Variants in RNF168 observed in about 807,000 individuals in gnomAD.
RNF168 encodes the protein ring finger protein 168.
A neutral mutation model predicts 34.9 loss-of-function variants in RNF168; 34 were observed. The ratio of observed to expected loss-of-function variants is 0.97; its 90% confidence interval spans 0.74 to 1.30. The LOEUF (loss-of-function observed/expected upper bound fraction) is 1.30. RNF168 is among the 50% of genes most tolerant of loss of function. The pLI, the probability that RNF168 is intolerant of heterozygous loss-of-function variation, is 0.00. For synonymous variants in RNF168, 264 were observed against 254.7 expected (o/e 1.04, Z -0.35); for missense variants, 725 against 682.5 (o/e 1.06, Z -0.69).
chr3:196,473,779 T>C (rs999964420), intron 5 of RNF168, among the ~76,000 whole-genome samples: 4 of 152,020 alleles, frequency 2.6e-5, no homozygotes, highest in Non-Finnish European at 5.9e-5. Flanking sequence ...GCATCCACTG[T>C]ACTCCAGCCT....
chr3:196,479,988 A>G (rs958620755), intron 4 of RNF168, among the ~76,000 whole-genome samples: 1 of 152,206 alleles, frequency 6.6e-6, no homozygotes, highest in Admixed American at 6.6e-5. Flanking sequence ...ACATGTAAGA[A>G]TCACAGTACA....
intron 1 of RNF168, among the ~76,000 whole-genome samples, chr3:196,499,878 A>T (rs1312541811): frequency 6.6e-6 from 1 of 152,234 alleles, no homozygotes; most frequent in Non-Finnish European, 1.5e-5. Flanking sequence ...GATGATATAC[A>T]AATGGCCAAT....
intron 5 of RNF168, chr3:196,474,822 T>C (rs1361747313): frequency 4.3e-6 from 1 of 233,196 alleles, no homozygotes; most frequent in Non-Finnish European, 8.6e-6. Flanking sequence ...ATTACATAGG[T>C]CAAGGATCAG....
rs1560279794 is a variant in RNF168, at chr3:196,503,619, T to G, written c.-446A>C. 8.7e-6 allele frequency: 2 copies of G among 229,320 alleles called. No individual in the cohort carries two copies. Among genetic ancestry groups the G allele is most frequent in the Admixed American group, 5.3e-5 (1 of 18,998 alleles). 14.2% of individuals were successfully genotyped at this position (229,320 alleles called of 1,614,324 possible). On this transcript the variant is annotated 5_prime_UTR_variant, in exon 1 of 6. Coordinates refer to ENST00000318037, the MANE Select transcript of RNF168 (RefSeq NM_152617.4). ...CCCGGGCTCCGGCTGCAGCATAACT[T>G]CCGCTTTACCGCTGCTGCGGGGGAG... is the stretch of plus-strand genomic sequence containing the variant.
intron 4 of RNF168, among the ~76,000 whole-genome samples, chr3:196,477,864 GTT>G (rs1174629430): frequency 6.6e-6 from 1 of 152,132 alleles, no homozygotes; most frequent in African/African-American, 2.4e-5. Flanking sequence ...TGGGAGGATC[GTT>G]TGAGGCCAGG....
intron 1 of RNF168, among the ~76,000 whole-genome samples, chr3:196,495,113 T>C (rs1732706490): frequency 6.6e-6 from 1 of 152,232 alleles, no homozygotes; most frequent in South Asian, 2.1e-4. Context: ...AAAAATAGTA[T>C]GATAAACCCC....
In RNF168 at chr3:196,472,156, T is replaced by C; in HGVS notation, c.1379A>G (p.Glu460Gly). 5.6e-6 allele frequency: 9 copies of C among 1,614,160 alleles called. No homozygotes were observed. Among genetic ancestry groups the C allele is most frequent in the Non-Finnish European group, 7.6e-6 (9 of 1,180,022 alleles). Residue 460 changes from glutamate to glycine, a missense_variant, in exon 6 of 6, where the codon GAG (glutamate) becomes GGG (glycine). By Grantham distance (98) the Glu-to-Gly change is moderately conservative (BLOSUM62 -2). Transcript: ENST00000318037. ...TTTTTGCCGGTTTGGCACCATTTGCTCTTTATCCACCTCCTTCTGAAGTTG... is the reference window on the plus strand; with the variant it reads ...TTTTTGCCGGTTTGGCACCATTTGCCCTTTATCCACCTCCTTCTGAAGTTG... Reference protein sequence around the residue: ...ALQLQKEVDKEQMVPNRQKGS... With the variant: ...ALQLQKEVDKGQMVPNRQKGS...
intron 3 of RNF168, among the ~76,000 whole-genome samples, chr3:196,486,938 G>A (rs941141150): frequency 6.6e-6 from 1 of 152,200 alleles, no homozygotes. Context: ...GTGCCAGCCT[G>A]TAGTCCCAGC....
Position 196,487,458 on chromosome 3 carries a change from C to CTCT in RNF168, c.496_498dup (p.Arg166dup), listed in dbSNP as rs1732483891. 1 of 1,614,186 alleles carries CTCT rather than the reference C, an allele frequency of 6.2e-7. No individual in the cohort carries two copies. The highest frequency in any genetic ancestry group is 1.3e-5 in the African/African-American group (1 of 75,062). ...TCACTTTTCAGTTGTTCTTCCATCG[C>CTCT]TCTTCGCCTTTTTTCTGCCTGTCTT... On this transcript the variant is annotated inframe_insertion, in exon 3 of 6. Transcript: ENST00000318037.
chr3:196,472,071 A>G lies in RNF168; in HGVS notation c.1464T>C (p.Asn488=). 4 of 1,613,584 alleles carry G rather than the reference A, an allele frequency of 2.5e-6. No individual in the cohort carries two copies. The highest frequency in any genetic ancestry group is 3.4e-6 in the Non-Finnish European group (4 of 1,179,692). The change falls in exon 6 of 6, where the codon AAT becomes AAC. Residue 488 remains asparagine, a synonymous_variant. Coordinates refer to ENST00000318037, the MANE Select transcript of RNF168 (RefSeq NM_152617.4). The part of the protein sequence containing the change: ...ATSSPPDKVL[N]GQRKNPKDGN... ...CATCTTTGGGATTCTTCCTCTGTCC[A>G]TTTAGCACTTTGTCTGGAGGGGAGG...
At chr3:196,476,665 T>C (rs1732156396) in intron 4 of RNF168, among the ~76,000 whole-genome samples, 2 of 150,376 alleles carry the variant, frequency 1.3e-5, no homozygotes, top group East Asian at 2.0e-4. Flanking sequence ...ATCCGCCTGC[T>C]TCGGCCTCCC....
At chr3:196,496,642 T>C (rs1732749623) in intron 1 of RNF168, among the ~76,000 whole-genome samples, 1 of 152,266 alleles carries the variant, frequency 6.6e-6, no homozygotes, top group South Asian at 2.1e-4. Flanking sequence ...CAAATTGTTC[T>C]ATTAAGTTCA....
At chr3:196,484,585 G>A (rs2108649091) in intron 3 of RNF168, among the ~76,000 whole-genome samples, 1 of 148,602 alleles carries the variant, frequency 6.7e-6, no homozygotes, top group South Asian at 2.2e-4. Context: ...AGGTTCAAGT[G>A]ATCCTCCCAC....
intron 4 of RNF168, among the ~76,000 whole-genome samples, chr3:196,477,863 C>T (rs769970162): frequency 3.3e-5 from 5 of 152,130 alleles, no homozygotes; most frequent in Non-Finnish European, 5.9e-5. Flanking sequence ...GTGGGAGGAT[C>T]GTTTGAGGCC....
chr3:196,498,745 A>G (rs1487807964), intron 1 of RNF168, among the ~76,000 whole-genome samples: 1 of 152,166 alleles, frequency 6.6e-6, no homozygotes, highest in Non-Finnish European at 1.5e-5. Flanking sequence ...CTGTAATCCC[A>G]GCACTTTGGG....
intron 3 of RNF168, 118 bp downstream of exon 3, chr3:196,487,279 GAC>G: frequency 1.1e-6 from 1 of 918,882 alleles, no homozygotes; most frequent in Non-Finnish European, 1.8e-6. Context: ...GGGTGGAAAA[GAC>G]AATATTTGTG....
In RNF168 at chr3:196,474,621, A is replaced by AT. The variant is rs202217572; in HGVS notation, c.762+609dup. ...CGCCACCACACCCGGCTAATTTTGT[A>AT]TTTTTTTGTAGAGATGGGGTTTCTC... On this transcript the variant is annotated intron_variant, in intron 5 of 5. Coordinates refer to ENST00000318037, the MANE Select transcript of RNF168 (RefSeq NM_152617.4). 5.6e-3 allele frequency among the ~76,000 whole-genome samples: 840 copies of AT among 150,642 alleles called. 3 individuals carry two copies. Among genetic ancestry groups the AT allele is most frequent in the African/African-American group, 0.019 (774 of 40,954 alleles).
rs1317890631 is a variant in RNF168 at position 196,469,119 on chromosome 3, C to A, written c.*2700G>T. 6.6e-6 allele frequency: 1 copy of A among 152,102 alleles called. No individual in the cohort carries two copies. Among genetic ancestry groups the A allele is most frequent in the Non-Finnish European group, 1.5e-5 (1 of 68,022 alleles). The allele number at this position is 152,102 out of a possible 1,614,324, so 9.4% of individuals were successfully genotyped here. On this transcript the variant is annotated 3_prime_UTR_variant, in exon 6 of 6. Coordinates refer to ENST00000318037, the MANE Select transcript of RNF168 (RefSeq NM_152617.4). Reference sequence around the variant, plus strand: ...TCACACCCTCCTTTTTGGTCACAGACTATTCCAGGAAGATTAAATAGATAA... The same window carrying A: ...TCACACCCTCCTTTTTGGTCACAGAATATTCCAGGAAGATTAAATAGATAA...
rs1171403064 is a variant in RNF168, at chr3:196,470,436, T to A, written c.*1383A>T. The A allele has an allele frequency of 1.3e-5, 2 of 152,480 alleles. No homozygotes were observed. The highest frequency in any genetic ancestry group is 4.9e-5 in the African/African-American group (2 of 40,838). 9.4% of individuals were successfully genotyped at this position (152,480 alleles called of 1,614,324 possible). On this transcript the variant is annotated 3_prime_UTR_variant, in exon 6 of 6. Transcript: ENST00000318037. ...CAATCAGTTTCAATGATCCAGACTGTCAGTCACCCCATCCAGCCTCATCCT... is the reference window on the plus strand; with the variant it reads ...CAATCAGTTTCAATGATCCAGACTGACAGTCACCCCATCCAGCCTCATCCT...
Sources: gnomAD v4.1 joint callset for allele counts (sites outside exome capture counted in the v4.1 genomes callset) on GRCh38, gnomAD v4.1.1 for gene constraint, MANE v1.5 for transcripts, NCBI Gene and HGNC (gene_info 2026-07-23, HGNC 2026-07-21) for gene names.